The following TAFA1 variants were observed in gnomAD, a reference collection of about 807,000 sequenced individuals.
The protein encoded by TAFA1 is chemokine-like protein TAFA-1.
In TAFA1, 4 loss-of-function variants were observed where a neutral mutation model predicts 18.5. The ratio of observed to expected loss-of-function variants is 0.22; its 90% confidence interval spans 0.11 to 0.49. The LOEUF is 0.49. TAFA1 is among the 20% of genes least tolerant of loss of function. TAFA1 has a pLI of 0.98. For missense variants in TAFA1, 147 were observed against 169.0 expected (o/e 0.87, Z 0.72); for synonymous variants, 56 against 55.2 (o/e 1.01, Z -0.06).
In TAFA1 at chr3:68,128,964, A is replaced by G. The variant is rs190284049; in HGVS notation, c.118+122220A>G. Among the ~76,000 whole-genome samples, 369 of 152,360 alleles carry G rather than the reference A, an allele frequency of 2.4e-3. 1 individual carries two copies. The highest frequency in any genetic ancestry group is 4.5e-3 in the Non-Finnish European group (307 of 68,034). ...AGACGTAAAATTACCTCAGTAGGTC[A>G]TTTCTCTAAATAAAAATCCCAACTT... is the stretch of plus-strand genomic sequence containing the variant. On this transcript the variant is annotated intron_variant, in intron 2 of 4. Coordinates refer to ENST00000478136, the MANE Select transcript of TAFA1 (RefSeq NM_213609.4).
chr3:68,494,850 G>C (rs1423152451), intron 3 of TAFA1, among the ~76,000 whole-genome samples: 1 of 152,140 alleles, frequency 6.6e-6, no homozygotes, highest in African/African-American at 2.4e-5. Flanking sequence ...AATAGTGCCT[G>C]GCACAAATAA....
intron 2 of TAFA1, among the ~76,000 whole-genome samples, chr3:68,098,072 T>C (rs1200204319): frequency 2.0e-5 from 3 of 152,194 alleles, no homozygotes; most frequent in Non-Finnish European, 4.4e-5. Flanking sequence ...TCAATACCTG[T>C]AGCTACTGTT....
At chr3:68,487,276 A>G (rs569997603) in intron 3 of TAFA1, among the ~76,000 whole-genome samples, 3 of 152,332 alleles carry the variant, frequency 2.0e-5, no homozygotes, top group Admixed American at 1.3e-4. Flanking sequence ...CATCTTTTTT[A>G]TAACACACTG....
intron 2 of TAFA1, among the ~76,000 whole-genome samples, chr3:68,009,252 T>C (rs1399164383): frequency 2.6e-5 from 4 of 152,258 alleles, no homozygotes; most frequent in African/African-American, 9.6e-5. Context: ...TAACAAGCTT[T>C]CACATAGTTG....
chr3:68,336,313 A>G (rs1457368853), intron 2 of TAFA1, among the ~76,000 whole-genome samples: 2 of 152,192 alleles, frequency 1.3e-5, no homozygotes, highest in Non-Finnish European at 2.9e-5. Flanking sequence ...TCCTTTCCTC[A>G]GTGACTTTGA....
In TAFA1 at chr3:68,395,510, C is replaced by T. The variant is rs184819073; in HGVS notation, c.119-21770C>T. 4.7e-4 allele frequency among the ~76,000 whole-genome samples: 72 copies of T among 151,600 alleles called. 1 individual carries two copies. The highest frequency in any genetic ancestry group is 1.4e-3 in the African/African-American group (58 of 41,460). On this transcript the variant is annotated intron_variant, in intron 2 of 4. Transcript: ENST00000478136. ...TACGTTTACTGCACATGCACACATA[C>T]GTTTACTGCAGTACTGTTCACAAGA... is the stretch of plus-strand genomic sequence containing the variant.
intron 2 of TAFA1, among the ~76,000 whole-genome samples, chr3:68,381,083 C>T (rs191051509): frequency 0.99 from 30,846 of 31,072 alleles, 15,358 homozygotes; most frequent in Middle Eastern, 1. Context: ...TAGTTGTAGA[C>T]GTGTGGCATT....
intron 3 of TAFA1, among the ~76,000 whole-genome samples, chr3:68,444,570 T>C (rs1306272493): frequency 6.6e-6 from 1 of 151,998 alleles, no homozygotes; most frequent in Non-Finnish European, 1.5e-5. Flanking sequence ...CTAAGAATAT[T>C]TGGAGGAATA....
chr3:68,149,471 A>T (rs1214987917), intron 2 of TAFA1, among the ~76,000 whole-genome samples: 1 of 152,208 alleles, frequency 6.6e-6, no homozygotes, highest in African/African-American at 2.4e-5. Context: ...TCTGCTTCTG[A>T]TGAGGGTCTC....
chr3:68,172,759 G>A (rs2066072351), intron 2 of TAFA1, among the ~76,000 whole-genome samples: 1 of 152,028 alleles, frequency 6.6e-6, no homozygotes, highest in Non-Finnish European at 1.5e-5. Context: ...ATGAATAAAG[G>A]CAGTCACCAA....
intron 2 of TAFA1, among the ~76,000 whole-genome samples, chr3:68,413,931 T>G (rs1198503827): frequency 2.0e-5 from 3 of 152,088 alleles, no homozygotes; most frequent in African/African-American, 7.2e-5. Flanking sequence ...GTGACCCTCA[T>G]GGGGTACATG....
At chr3:68,145,306 A>C (rs1302228595) in intron 2 of TAFA1, 4 of 791,018 alleles carry the variant, frequency 5.1e-6, no homozygotes, top group African/African-American at 3.4e-5. Flanking sequence ...GGTCTGAGAC[A>C]GTCCAGCCAA....
At chr3:68,321,277 C>T (rs1300476383) in intron 2 of TAFA1, among the ~76,000 whole-genome samples, 1 of 152,130 alleles carries the variant, frequency 6.6e-6, no homozygotes, top group Non-Finnish European at 1.5e-5. Flanking sequence ...CCCTCTTGGT[C>T]ATGCCCATAA....
chr3:68,487,513 C>T (rs998918401), intron 3 of TAFA1, among the ~76,000 whole-genome samples: 8 of 151,774 alleles, frequency 5.3e-5, no homozygotes, highest in Non-Finnish European at 1.2e-4. Flanking sequence ...TTTGGGAGGC[C>T]GAGGCGGGCG....
At chr3:68,331,494 GTAAGA>G (rs1349899616) in intron 2 of TAFA1, among the ~76,000 whole-genome samples, 1 of 152,188 alleles carries the variant, frequency 6.6e-6, no homozygotes, top group Non-Finnish European at 1.5e-5. Context: ...ATGAATGCTA[GTAAGA>G]TAATAGACTT....
intron 2 of TAFA1, among the ~76,000 whole-genome samples, chr3:68,231,614 C>T (rs1318575008): frequency 6.6e-6 from 1 of 152,116 alleles, no homozygotes; most frequent in Non-Finnish European, 1.5e-5. Context: ...CCCGCCTCGG[C>T]CTCCCAAAGC....
At chr3:68,259,533 G>A (rs1375705004) in intron 2 of TAFA1, among the ~76,000 whole-genome samples, 3 of 152,090 alleles carry the variant, frequency 2.0e-5, no homozygotes, top group Non-Finnish European at 4.4e-5. Context: ...TGGGCAGTAT[G>A]GCCATTTTCA....
intron 2 of TAFA1, among the ~76,000 whole-genome samples, chr3:68,228,762 A>C (rs920654028): frequency 5.3e-5 from 8 of 152,258 alleles, no homozygotes; most frequent in African/African-American, 1.9e-4. Flanking sequence ...AGCTTTGGGA[A>C]ATATGCCAAG....
At chr3:68,029,018 G>A (rs1704876604) in intron 2 of TAFA1, among the ~76,000 whole-genome samples, 2 of 151,930 alleles carry the variant, frequency 1.3e-5, no homozygotes, top group African/African-American at 4.8e-5. Context: ...TTCTCAAAGT[G>A]CTGGGATTAG....
Sources: allele counts gnomAD v4.1 joint callset (sites outside exome capture counted in the v4.1 genomes callset), GRCh38; gene constraint gnomAD v4.1.1; transcripts MANE v1.5; gene names NCBI Gene and HGNC (gene_info 2026-07-23, HGNC 2026-07-21).